Variants in CTNNA2 observed in about 807,000 individuals in gnomAD.
The protein encoded by CTNNA2 is catenin alpha 2, also known as catenin alpha-2.
In CTNNA2, 42 loss-of-function variants were observed where a neutral mutation model predicts 101.0. That is an observed-to-expected ratio of 0.42 (90% CI 0.32 to 0.54). The LOEUF (loss-of-function observed/expected upper bound fraction) is 0.54. CTNNA2 is among the 20% of genes least tolerant of loss of function. The probability of loss-of-function intolerance (pLI) is 0.14; values close to 1 mark genes in which losing one functional copy is unlikely to be tolerated. For missense variants in CTNNA2, 871 were observed against 1,223.1 expected (o/e 0.71, Z 4.29); for synonymous variants, 450 against 456.4 (o/e 0.99, Z 0.18).
chr2:80,219,413 A>T (rs1708447289), intron 7 of CTNNA2, among the ~76,000 whole-genome samples: 1 of 152,224 alleles, frequency 6.6e-6, no homozygotes, highest in Admixed American at 6.5e-5. Context: ...TAATGATTTT[A>T]AAATAATTTC....
At chr2:79,443,324 C>A (rs1262909783) in intron 4 of CTNNA2, among the ~76,000 whole-genome samples, 2 of 152,046 alleles carry the variant, frequency 1.3e-5, no homozygotes, top group East Asian at 3.9e-4. Context: ...CAAGAACCAG[C>A]AGAACTGATG....
At chr2:79,588,517 T>C (rs17017311) in intron 1 of CTNNA2, among the ~76,000 whole-genome samples, 19,599 of 152,244 alleles carry the variant, frequency 0.13, 2,042 homozygotes, top group African/African-American at 0.29. Flanking sequence ...AAATTTCTTA[T>C]AACTAAATGA....
chr2:79,708,477 A>G (rs1295644594), intron 2 of CTNNA2, among the ~76,000 whole-genome samples: 1 of 152,142 alleles, frequency 6.6e-6, no homozygotes, highest in Non-Finnish European at 1.5e-5. Flanking sequence ...CACCCTGTTC[A>G]GCCACTTTAA....
intron 3 of CTNNA2, among the ~76,000 whole-genome samples, chr2:79,816,615 A>G (rs1677523727): frequency 6.6e-6 from 1 of 152,178 alleles, no homozygotes; most frequent in Non-Finnish European, 1.5e-5. Context: ...GAGGCCATGG[A>G]AGAAAAGCAC....
intron 7 of CTNNA2, among the ~76,000 whole-genome samples, chr2:80,228,507 G>A (rs1709019106): frequency 6.6e-6 from 1 of 152,106 alleles, no homozygotes; most frequent in Admixed American, 6.5e-5. Context: ...TCTGATGATG[G>A]GGGTGAGCAC....
chr2:80,221,134 C>T lies in CTNNA2; in HGVS notation c.1057-172077C>T, dbSNP rs143290946. ...CTGACCTCAAGTGATCCACCTCCCT[C>T]GGCCTCCCAAAGTGTTGGGATTACA... On this transcript the variant is annotated intron_variant, in intron 7 of 18. Transcript: ENST00000402739. Among the ~76,000 whole-genome samples the T allele has an allele frequency of 6.7e-3, 1,027 of 152,268 alleles. 13 individuals are homozygous for T. The highest frequency in any genetic ancestry group is 0.023 in the African/African-American group (976 of 41,540).
chr2:79,253,351 GT>G (rs1218071906), intron 2 of CTNNA2, among the ~76,000 whole-genome samples: 1 of 152,216 alleles, frequency 6.6e-6, no homozygotes, highest in Non-Finnish European at 1.5e-5. Flanking sequence ...TTATGTATTT[GT>G]GCAAATTCTA....
chr2:79,689,720 G>A (rs1228595525), intron 2 of CTNNA2, among the ~76,000 whole-genome samples: 3 of 152,112 alleles, frequency 2.0e-5, no homozygotes, highest in African/African-American at 7.2e-5. Context: ...ATGCATTAAT[G>A]TAATACTATA....
chr2:79,270,653 C>G (rs17016673), intron 2 of CTNNA2, among the ~76,000 whole-genome samples: 21,358 of 151,958 alleles, frequency 0.14, 1,608 homozygotes, highest in African/African-American at 0.2. Context: ...TCTCAGAAAT[C>G]TTCTCAGATA....
chr2:79,465,820 C>T (rs914471573), intron 4 of CTNNA2, among the ~76,000 whole-genome samples: 3 of 152,054 alleles, frequency 2.0e-5, no homozygotes, highest in Non-Finnish European at 1.5e-5. Context: ...GTGATTTTTG[C>T]ACATTGATTT....
chr2:79,412,420 A>AC (rs2104493114), intron 4 of CTNNA2, among the ~76,000 whole-genome samples: 1 of 152,072 alleles, frequency 6.6e-6, no homozygotes, highest in African/African-American at 2.4e-5. Context: ...AGAACTCTCC[A>AC]CCCCAAATCA....
intron 3 of CTNNA2, among the ~76,000 whole-genome samples, chr2:79,811,098 G>T: frequency 6.7e-6 from 1 of 149,546 alleles, no homozygotes. Context: ...CTGAGGGATC[G>T]CCACACTGAC....
At chr2:79,731,515 C>G (rs904725298) in intron 2 of CTNNA2, among the ~76,000 whole-genome samples, 2 of 152,064 alleles carry the variant, frequency 1.3e-5, no homozygotes, top group Non-Finnish European at 2.9e-5. Context: ...TAGCTTGTGG[C>G]TACCCACCAG....
intron 2 of CTNNA2, among the ~76,000 whole-genome samples, chr2:79,663,465 T>G (rs765843531): frequency 6.6e-6 from 1 of 152,192 alleles, no homozygotes; most frequent in African/African-American, 2.4e-5. Flanking sequence ...TCAGAGCCCT[T>G]CTTTCAGTTT....
intron 4 of CTNNA2, among the ~76,000 whole-genome samples, chr2:79,375,102 C>A (rs984787928): frequency 1.3e-5 from 2 of 152,172 alleles, no homozygotes; most frequent in Non-Finnish European, 2.9e-5. Flanking sequence ...TGTTGGGTCT[C>A]ATTTTGAATT....
chr2:79,520,452 G>C (rs1672042608), intron 1 of CTNNA2, among the ~76,000 whole-genome samples: 1 of 152,162 alleles, frequency 6.6e-6, no homozygotes, highest in African/African-American at 2.4e-5. Context: ...ATTAGGCAAA[G>C]ATCCCTTAGG....
chr2:80,217,337 C>T (rs1708330798), intron 7 of CTNNA2, among the ~76,000 whole-genome samples: 1 of 151,986 alleles, frequency 6.6e-6, no homozygotes, highest in South Asian at 2.1e-4. Flanking sequence ...CATCAGGAAC[C>T]CAGTGTCTCG....
chr2:79,280,623 C>CTGTGTGTGTGTG (rs369268407), intron 2 of CTNNA2, among the ~76,000 whole-genome samples: 3,628 of 129,044 alleles, frequency 0.028, 138 homozygotes, highest in African/African-American at 0.092. Context: ...ATCCTGTATG[C>CTGTGTGTGTGTG]TGTGTGTGTG....
chr2:79,545,948 ACTACT>A (rs1673705329), intron 1 of CTNNA2, among the ~76,000 whole-genome samples: 2 of 152,202 alleles, frequency 1.3e-5, no homozygotes, highest in South Asian at 4.1e-4. Flanking sequence ...TGAAGTAAGT[ACTACT>A]ATTATCTCAG....
Sources: allele counts gnomAD v4.1 joint callset (sites outside exome capture counted in the v4.1 genomes callset), GRCh38; gene constraint gnomAD v4.1.1; transcripts MANE v1.5; gene names NCBI Gene and HGNC (gene_info 2026-07-23, HGNC 2026-07-21).